The following CADM1 variants were observed in gnomAD, a reference collection of about 807,000 sequenced individuals.
CADM1 encodes the protein cell adhesion molecule 1, also known as TSLC-1.
CADM1 carries 15 observed loss-of-function variants against 53.1 expected under a neutral mutation model. That is an observed-to-expected ratio of 0.28 (90% CI 0.19 to 0.44). The LOEUF (loss-of-function observed/expected upper bound fraction) is 0.44. CADM1 is among the 20% of genes least tolerant of loss of function. The probability of loss-of-function intolerance (pLI) is 1.00; values close to 1 mark genes in which losing one functional copy is unlikely to be tolerated. For missense variants in CADM1, 434 were observed against 611.3 expected (o/e 0.71, Z 3.06); for synonymous variants, 281 against 243.0 (o/e 1.16, Z -1.45).
At chr11:115,417,977 G>A (rs1390346538) in intron 1 of CADM1, among the ~76,000 whole-genome samples, 2 of 151,084 alleles carry the variant, frequency 1.3e-5, no homozygotes, top group Non-Finnish European at 3.0e-5. Context: ...CTCACATTAT[G>A]GTTTGGGTCT....
At chr11:115,471,254 A>T (rs1949004884) in intron 1 of CADM1, among the ~76,000 whole-genome samples, 2 of 152,230 alleles carry the variant, frequency 1.3e-5, no homozygotes. Flanking sequence ...TCAAAAGGAC[A>T]GAACATACAT....
At chr11:115,427,642 AGG>A (rs1184426711) in intron 1 of CADM1, among the ~76,000 whole-genome samples, 1 of 152,180 alleles carries the variant, frequency 6.6e-6, no homozygotes, top group Non-Finnish European at 1.5e-5. Flanking sequence ...CATTTTGTAA[AGG>A]GGAATATATT....
intron 1 of CADM1, among the ~76,000 whole-genome samples, chr11:115,335,950 C>T (rs1216353972): frequency 6.6e-6 from 1 of 152,120 alleles, no homozygotes; most frequent in Non-Finnish European, 1.5e-5. Context: ...ATGACAGGCT[C>T]ACTGCTTTCC....
chr11:115,276,050 G>A (rs759598289), intron 1 of CADM1, among the ~76,000 whole-genome samples: 12 of 152,044 alleles, frequency 7.9e-5, no homozygotes, highest in Non-Finnish European at 1.6e-4. Flanking sequence ...GAGAAAACAG[G>A]TTATTTAAAA....
intron 1 of CADM1, among the ~76,000 whole-genome samples, chr11:115,438,684 A>C (rs1472236126): frequency 6.6e-6 from 1 of 152,162 alleles, no homozygotes; most frequent in African/African-American, 2.4e-5. Flanking sequence ...TGATACTAAT[A>C]AACTGTTAGA....
chr11:115,472,318 G>A (rs1181345231), intron 1 of CADM1, among the ~76,000 whole-genome samples: 1 of 152,222 alleles, frequency 6.6e-6, no homozygotes, highest in Non-Finnish European at 1.5e-5. Context: ...TGGGTTTGGA[G>A]TCATTTGCCT....
At chr11:115,239,729 A>G (rs909034140) in intron 2 of CADM1, among the ~76,000 whole-genome samples, 1 of 151,314 alleles carries the variant, frequency 6.6e-6, no homozygotes, top group Non-Finnish European at 1.5e-5. Flanking sequence ...TTTTTTTTCA[A>G]AAGATTTGAT....
At chr11:115,366,177 G>A (rs185259201) in intron 1 of CADM1, among the ~76,000 whole-genome samples, 3 of 152,096 alleles carry the variant, frequency 2.0e-5, no homozygotes, top group African/African-American at 4.8e-5. Context: ...TATAATGCAC[G>A]CACATTTGGA....
At chr11:115,454,233 A>C (rs1190792115) in intron 1 of CADM1, among the ~76,000 whole-genome samples, 1 of 152,216 alleles carries the variant, frequency 6.6e-6, no homozygotes, top group African/African-American at 2.4e-5. Flanking sequence ...TGTTTACAAC[A>C]GATCTTAATT....
intron 1 of CADM1, among the ~76,000 whole-genome samples, chr11:115,409,826 C>T (rs923146193): frequency 2.0e-5 from 3 of 152,004 alleles, no homozygotes; most frequent in African/African-American, 4.8e-5. Context: ...CCAAACCCAA[C>T]AGTTGCAGCT....
intron 4 of CADM1, among the ~76,000 whole-genome samples, chr11:115,230,846 G>C (rs566515116): frequency 3.1e-4 from 47 of 152,334 alleles, no homozygotes; most frequent in African/African-American, 9.6e-4. Flanking sequence ...AACCACTCTT[G>C]CAGGAAAGCA....
At chr11:115,481,235 T>C (rs2135409815) in intron 1 of CADM1, among the ~76,000 whole-genome samples, 1 of 152,306 alleles carries the variant, frequency 6.6e-6, no homozygotes, top group South Asian at 2.1e-4. Context: ...CCACACTCAC[T>C]GCTGCACTAA....
chr11:115,425,839 C>A (rs1268125804), intron 1 of CADM1, among the ~76,000 whole-genome samples: 1 of 152,228 alleles, frequency 6.6e-6, no homozygotes, highest in Non-Finnish European at 1.5e-5. Context: ...CAATTAAAAA[C>A]TTCCTTACTG....
At position 115,198,434 on chromosome 11, in the gene CADM1, T is replaced by C. The variant is rs1940266693; in HGVS notation, c.1083A>G (p.Thr361=). The change falls in exon 9 of 12, where the codon ACA becomes ACG. Residue 361 remains threonine, a synonymous_variant. Coordinates refer to ENST00000331581, the MANE Select transcript of CADM1 (RefSeq NM_001301043.2). ...TTTILTIITD[T]TATTEPAVHG... ...GAACTGCTGGTTCTGTCGTCGCCGT[T>C]GTGTCTACAGACGGGAACAGAGGAT... The C allele has an allele frequency of 6.3e-7, 1 of 1,595,716 alleles. No individual in the cohort carries two copies. Among genetic ancestry groups the C allele is most frequent in the Non-Finnish European group, 8.5e-7 (1 of 1,178,626 alleles).
At chr11:115,367,898 T>A (rs72996092) in intron 1 of CADM1, among the ~76,000 whole-genome samples, 16,502 of 152,094 alleles carry the variant, frequency 0.11, 1,111 homozygotes, top group South Asian at 0.16. Context: ...AAATAAGTTT[T>A]TTTAACAACT....
At chr11:115,179,046 T>C (rs1230780521) in intron 10 of CADM1, 1 of 458,244 alleles carries the variant, frequency 2.2e-6, no homozygotes, top group Non-Finnish European at 4.1e-6. Context: ...AAGGAAGAAA[T>C]AGTCTATCCG....
chr11:115,320,948 A>G (rs1453524651), intron 1 of CADM1, among the ~76,000 whole-genome samples: 2 of 152,158 alleles, frequency 1.3e-5, no homozygotes, highest in Non-Finnish European at 2.9e-5. Flanking sequence ...CATGAGATAA[A>G]TAATTATTCT....
At chr11:115,369,237 C>G (rs1203811461) in intron 1 of CADM1, among the ~76,000 whole-genome samples, 8 of 152,010 alleles carry the variant, frequency 5.3e-5, no homozygotes, top group Admixed American at 2.0e-4. Flanking sequence ...TCCACAGCAC[C>G]TTCTTTGCCT....
At chr11:115,404,788 G>A (rs1219907746) in intron 1 of CADM1, among the ~76,000 whole-genome samples, 2 of 147,166 alleles carry the variant, frequency 1.4e-5, no homozygotes, top group East Asian at 4.1e-4. Flanking sequence ...AGCCCCCGAG[G>A]TCAAGACTGC....
Sources: gnomAD v4.1 joint callset for allele counts (sites outside exome capture counted in the v4.1 genomes callset) on GRCh38, gnomAD v4.1.1 for gene constraint, MANE v1.5 for transcripts, NCBI Gene and HGNC (gene_info 2026-07-23, HGNC 2026-07-21) for gene names.